Variants in TLR8 observed in about 807,000 individuals in gnomAD.
TLR8 encodes the protein toll like receptor 8.
TLR8 carries 5 observed loss-of-function variants against 18.5 expected under a neutral mutation model. That is an observed-to-expected ratio of 0.27 (90% confidence interval 0.14 to 0.57). TLR8 has a LOEUF of 0.57. TLR8 is among the 20% of genes least tolerant of loss of function. The pLI, the probability that TLR8 is intolerant of heterozygous loss-of-function variation, is 0.92. For missense variants in TLR8, 543 were observed against 769.8 expected, an observed-to-expected ratio of 0.71 and a Z score of 3.49; for synonymous variants, 299 against 300.1, an observed-to-expected ratio of 1.00 and a Z score of 0.04.
In TLR8 at chrX:12,921,816, T is replaced by C. The variant is rs1264189494; in HGVS notation, c.2776T>C (p.Leu926=). The C allele has an allele frequency of 2.5e-6, 3 of 1,209,919 alleles. No homozygotes were observed. Among genetic ancestry groups the C allele is most frequent in the Non-Finnish European group, 1.1e-6 (1 of 895,181 alleles). The change falls in exon 2 of 2, where the codon TTG becomes CTG. Residue 926 remains leucine, a synonymous_variant. Coordinates refer to ENST00000218032, the MANE Select transcript of TLR8 (RefSeq NM_138636.5). ...CLEERDWDPG[L]AIIDNLMQSI... ...AGAGGAGAGGGATTGGGACCCGGGA[T>C]TGGCCATCATCGACAACCTCATGCA...
At chrX:12,910,185 C>G in intron 1 of TLR8, 1 of 578,711 alleles carries the variant, frequency 1.7e-6, no homozygotes, top group Non-Finnish European at 2.6e-6. Context: ...GAATCAGAAT[C>G]CATCAAAAAT....
rs1417335127 is a variant in TLR8 at position 12,919,154 on chromosome X, G to C, written c.114G>C (p.Glu38Asp). 1 of 1,211,915 alleles carries C rather than the reference G, an allele frequency of 8.3e-7. No individual in the cohort carries two copies. Among genetic ancestry groups the C allele is most frequent in the Admixed American group, 2.2e-5 (1 of 46,029 alleles). ...TTTCTAGAAGCTATCCTTGTGATGA[G>C]AAAAAGCAAAATGACTCAGTTATTG... ...ENFSRSYPCD[E>D]KKQNDSVIAE... is the part of the protein sequence containing the mutation. The change falls in exon 2 of 2, where the codon GAG becomes GAC. Residue 38 changes from glutamate to aspartate, a missense_variant. Around this residue, in one of 4 missense-constraint regions of TLR8, gnomAD observed 117 missense variants for 111.0 expected, o/e 1.05. Coordinates refer to ENST00000218032, the MANE Select transcript of TLR8 (RefSeq NM_138636.5).
chrX:12,915,830 T>C (rs1437767618), intron 1 of TLR8, among the ~76,000 whole-genome samples: 1 of 112,172 alleles, frequency 8.9e-6, no homozygotes, highest in Non-Finnish European at 1.9e-5. Flanking sequence ...ATCTTGGTTG[T>C]GCCTTACACA....
At chrX:12,907,942 C>T (rs779609476) in intron 1 of TLR8, among the ~76,000 whole-genome samples, 2 of 112,379 alleles carry the variant, frequency 1.8e-5, no homozygotes, top group East Asian at 5.6e-4. Context: ...ATATGGAATT[C>T]GGTCAACTGG....
intron 1 of TLR8, 74 bp from the exon 2 acceptor site, chrX:12,918,970 T>G: frequency 9.3e-7 from 1 of 1,080,854 alleles, no homozygotes; most frequent in Non-Finnish European, 1.2e-6. Flanking sequence ...GGGGCAGCGC[T>G]GCTAATTTAT....
chrX:12,920,956 A>G lies in TLR8; in HGVS notation c.1916A>G (p.Lys639Arg). ...TATATCTCCATTTTCAAAGGTCTCA[A>G]GAATCTGACACGTCTGGATTTATCC... ...NRYISIFKGLKNLTRLDLSLN... is the reference protein window; with the variant it reads ...NRYISIFKGLRNLTRLDLSLN... The change falls in exon 2 of 2, where the codon AAG (lysine) becomes AGG (arginine). Residue 639 changes from lysine to arginine, a missense_variant. Lys to Arg is a conservative substitution (Grantham distance 26). Transcript: ENST00000218032. 8.3e-7 allele frequency: 1 copy of G among 1,211,400 alleles called. No homozygotes were observed. Among genetic ancestry groups the G allele is most frequent in the Non-Finnish European group, 1.1e-6 (1 of 895,303 alleles).
At chrX:12,912,467 A>T (rs1287841994) in intron 1 of TLR8, among the ~76,000 whole-genome samples, 1 of 113,369 alleles carries the variant, frequency 8.8e-6, no homozygotes, top group Non-Finnish European at 1.9e-5. Flanking sequence ...ATGGTCACAC[A>T]GCACTCCTAT....
chrX:12,911,297 A>G (rs778328856), intron 1 of TLR8, among the ~76,000 whole-genome samples: 1 of 112,017 alleles, frequency 8.9e-6, no homozygotes, highest in Non-Finnish European at 1.9e-5. Flanking sequence ...TCAGAAACCA[A>G]TGTGTTGTTG....
intron 1 of TLR8, among the ~76,000 whole-genome samples, chrX:12,914,840 T>C (rs930114358): frequency 5.4e-5 from 6 of 111,460 alleles, no homozygotes; most frequent in Admixed American, 1.9e-4. Flanking sequence ...TCACATCACT[T>C]CTCAGATGAA....
chrX:12,919,875 G>A lies in TLR8; in HGVS notation c.835G>A (p.Asp279Asn), dbSNP rs762391594. ...TGATGGTGGTGCTTCAATTAATATA[G>A]ATCGTTTTGCTTTTCAAAACTTGAC... is the stretch of plus-strand genomic sequence containing the variant. ...PCDGGASINIDRFAFQNLTQL... is the reference protein window; with the variant it reads ...PCDGGASININRFAFQNLTQL... The change falls in exon 2 of 2, where the codon GAT (aspartate) becomes AAT (asparagine). Residue 279 changes from aspartate (D) to asparagine (N), a missense_variant. Physicochemically the swap from Asp to Asn is conservative, Grantham distance 23 (BLOSUM62 1). Around this residue, in one of 4 missense-constraint regions of TLR8, gnomAD observed 185 missense variants for 298.9 expected, o/e 0.62. Transcript: ENST00000218032. 8.3e-7 allele frequency: 1 copy of A among 1,211,448 alleles called. No homozygotes were observed. The highest frequency in any genetic ancestry group is 1.7e-5 in the African/African-American group (1 of 57,731).
Position 12,921,126 on chromosome X carries a change from C to T in TLR8, c.2086C>T (p.Arg696Cys), listed in dbSNP as rs375260093. ...TCCTCGTCTCGAGTTGCTTGACTTA[C>T]GTGGAAACAAACTACTCTTTTTAAC... ...QFPRLELLDL[R>C]GNKLLFLTDS... The change falls in exon 2 of 2, where the codon CGT becomes TGT. Residue 696 changes from arginine to cysteine, a missense_variant. Physicochemically the swap from Arg to Cys is radical, Grantham distance 180. Transcript: ENST00000218032. 17 of 1,209,824 alleles carry T rather than the reference C, an allele frequency of 1.4e-5. No homozygotes were observed. The African/African-American group carries it at 2.4e-4, about 17-fold the overall frequency.
intron 1 of TLR8, among the ~76,000 whole-genome samples, chrX:12,915,630 TG>T (rs1475026243): frequency 2.7e-5 from 3 of 112,243 alleles, no homozygotes; most frequent in Non-Finnish European, 3.7e-5. Flanking sequence ...TCCAGTCCTC[TG>T]GGCCCCACTG....
At chrX:12,913,896 G>A (rs773048552) in intron 1 of TLR8, among the ~76,000 whole-genome samples, 4 of 112,011 alleles carry the variant, frequency 3.6e-5, no homozygotes, top group Non-Finnish European at 5.6e-5. Flanking sequence ...TTTTGAGTGA[G>A]GTTGAGTATC....
At position 12,920,940 on chromosome X, in the gene TLR8, A is replaced by G; in HGVS notation, c.1900A>G (p.Ile634Val). The G allele has an allele frequency of 1.7e-6, 2 of 1,210,687 alleles. No individual in the cohort carries two copies. Among genetic ancestry groups the G allele is most frequent in the Non-Finnish European group, 2.2e-6 (2 of 894,943 alleles). The change falls in exon 2 of 2, where the codon ATT becomes GTT. Residue 634 changes from isoleucine (I) to valine (V), a missense_variant. Around this residue, in one of 4 missense-constraint regions of TLR8, gnomAD observed 227 missense variants for 312.9 expected, o/e 0.73. Transcript: ENST00000218032. ...WNDDDNRYISIFKGLKNLTRL... is the reference protein window; with the variant it reads ...WNDDDNRYISVFKGLKNLTRL... The stretch of plus-strand genomic sequence containing the variant: ...TGATGATGACAACAGGTATATCTCC[A>G]TTTTCAAAGGTCTCAAGAATCTGAC...
Position 12,921,782 on chromosome X carries a change from C to T in TLR8, c.2742C>T (p.Leu914=). Residue 914 remains leucine, a synonymous_variant, in exon 2 of 2, where the codon CTC becomes CTT. Coordinates refer to ENST00000218032, the MANE Select transcript of TLR8 (RefSeq NM_138636.5). ...HLEESRDKNV[L]LCLEERDWDP... ...AAGAGAGCCGAGACAAAAACGTTCT[C>T]CTTTGTCTAGAGGAGAGGGATTGGG... 1 of 1,209,885 alleles carries T rather than the reference C, an allele frequency of 8.3e-7. No individual in the cohort carries two copies. The highest frequency in any genetic ancestry group is 3.0e-5 in the East Asian group (1 of 33,775).
At chrX:12,918,675 A>G (rs2043071960) in intron 1 of TLR8, among the ~76,000 whole-genome samples, 1 of 110,917 alleles carries the variant, frequency 9.0e-6, no homozygotes, top group Non-Finnish European at 1.9e-5. Flanking sequence ...TTGGGACTAC[A>G]GGCATGCACC....
rs765839530 is a variant in TLR8 at position 12,920,205 on chromosome X, C to T, written c.1165C>T (p.Pro389Ser). Reference sequence around the variant, plus strand: ...GGAACTCAGAGAAGATGATTTCCAGCCCCTGATGCAGCTTCCAAACTTATC... The same window carrying T: ...GGAACTCAGAGAAGATGATTTCCAGTCCCTGATGCAGCTTCCAAACTTATC... ...FQELREDDFQPLMQLPNLSTI... is the reference protein window; with the variant it reads ...FQELREDDFQSLMQLPNLSTI... Residue 389 changes from proline (P) to serine (S), a missense_variant, in exon 2 of 2, where the codon CCC becomes TCC. Physicochemically the swap from Pro to Ser is moderately conservative, Grantham distance 74. Transcript: ENST00000218032. The T allele has an allele frequency of 8.3e-7, 1 of 1,209,477 alleles. No homozygotes were observed. Among genetic ancestry groups the T allele is most frequent in the Non-Finnish European group, 1.1e-6 (1 of 894,092 alleles).
At position 12,920,968 on chromosome X, in the gene TLR8, G is replaced by T; in HGVS notation, c.1928G>T (p.Arg643Leu). ...TTCAAAGGTCTCAAGAATCTGACAC[G>T]TCTGGATTTATCCCTTAATAGGCTG... ...SIFKGLKNLTRLDLSLNRLKH... is the reference protein window; with the variant it reads ...SIFKGLKNLTLLDLSLNRLKH... The change falls in exon 2 of 2, where the codon CGT (arginine) becomes CTT (leucine). Residue 643 changes from arginine to leucine, a missense_variant. Arg to Leu is a moderately radical substitution (Grantham distance 102). This residue lies in a region of TLR8 where 227 missense variants were observed against 312.9 expected (regional missense o/e 0.73). Transcript: ENST00000218032. 23 of 1,211,266 alleles carry T rather than the reference G, an allele frequency of 1.9e-5. No homozygotes were observed. Among genetic ancestry groups the T allele is most frequent in the Non-Finnish European group, 2.2e-5 (20 of 895,205 alleles).
At position 12,919,324 on chromosome X, in the gene TLR8, A is replaced by T. The variant is rs1308929978; in HGVS notation, c.284A>T (p.Asn95Ile). 2 of 1,211,461 alleles carry T rather than the reference A, an allele frequency of 1.7e-6. No individual in the cohort carries two copies. The highest frequency in any genetic ancestry group is 2.2e-6 in the Non-Finnish European group (2 of 895,405). The change falls in exon 2 of 2, where the codon AAC becomes ATC. Residue 95 changes from asparagine (N) to isoleucine (I), a missense_variant. Around this residue, in one of 4 missense-constraint regions of TLR8, gnomAD observed 117 missense variants for 111.0 expected, o/e 1.05. Transcript: ENST00000218032. ...GLQNLTKINL[N>I]HNPNVQHQNG... Reference sequence around the variant, plus strand: ...CAAAATCTCACTAAAATAAATCTAAACCACAACCCCAATGTACAGCACCAG... The same window carrying T: ...CAAAATCTCACTAAAATAAATCTAATCCACAACCCCAATGTACAGCACCAG...
Sources: gnomAD v4.1 joint callset for allele counts (sites outside exome capture counted in the v4.1 genomes callset) on GRCh38, gnomAD v4.1.1 for gene constraint, gnomAD v4.1.1 regional missense constraint, MANE v1.5 for transcripts, NCBI Gene and HGNC (gene_info 2026-07-23, HGNC 2026-07-21) for gene names.